The following SPIDR variants were observed in gnomAD, a reference collection of about 807,000 sequenced individuals.
The protein encoded by SPIDR is scaffold protein involved in DNA repair.
A neutral mutation model predicts 104.6 loss-of-function variants in SPIDR; 93 were observed. The ratio of observed to expected loss-of-function variants is 0.89; its 90% CI spans 0.75 to 1.06. The LOEUF (loss-of-function observed/expected upper bound fraction) is 1.06. Ranked by LOEUF, SPIDR falls within the 50% of genes least tolerant of loss-of-function variation. The probability of loss-of-function intolerance (pLI) is 0.00; values close to 1 mark genes in which losing one functional copy is unlikely to be tolerated. For missense variants in SPIDR, 1,154 were observed against 1,111.2 expected (o/e 1.04, Z -0.55); for synonymous variants, 431 against 416.9 (o/e 1.03, Z -0.41).
intron 8 of SPIDR, among the ~76,000 whole-genome samples, chr8:47,469,629 C>A (rs969688746): frequency 2.0e-5 from 3 of 151,808 alleles, no homozygotes; most frequent in African/African-American, 7.3e-5. Context: ...AACAGGAAAC[C>A]AAATACCACA....
At chr8:47,353,144 A>G (rs1407962097) in intron 5 of SPIDR, among the ~76,000 whole-genome samples, 1 of 152,120 alleles carries the variant, frequency 6.6e-6, no homozygotes, top group Non-Finnish European at 1.5e-5. Flanking sequence ...CAAAAAGTTA[A>G]GTTCTAAATA....
chr8:47,403,095 A>G (rs1334752092), intron 6 of SPIDR, among the ~76,000 whole-genome samples: 1 of 152,224 alleles, frequency 6.6e-6, no homozygotes, highest in African/African-American at 2.4e-5. Flanking sequence ...AGAACAAAAG[A>G]CAAAAACCAC....
intron 10 of SPIDR, among the ~76,000 whole-genome samples, chr8:47,647,997 A>C (rs566058306): frequency 5.9e-5 from 9 of 152,268 alleles, no homozygotes; most frequent in Non-Finnish European, 4.4e-5. Context: ...GATCGTGAGG[A>C]GGTCTAGAAA....
In SPIDR at chr8:47,367,049, C is replaced by A. The variant is rs1371512877; in HGVS notation, c.526-29327C>A. On this transcript the variant is annotated intron_variant, in intron 5 of 19. Transcript: ENST00000297423. ...TCCTGTGATTATGTTTAATATATGG[C>A]ACAGTTGACTTCGAGAAGGGAATTT... Among the ~76,000 whole-genome samples the A allele has an allele frequency of 2.0e-5, 3 of 152,146 alleles. No individual in the cohort carries two copies. The East Asian group carries it at 5.8e-4, about 29-fold the overall frequency.
intron 7 of SPIDR, among the ~76,000 whole-genome samples, chr8:47,422,059 GC>G (rs2065583862): frequency 6.6e-6 from 1 of 152,190 alleles, no homozygotes; most frequent in African/African-American, 2.4e-5. Flanking sequence ...GGAGGTCAGG[GC>G]CCCACTTGAG....
chr8:47,593,043 C>T (rs1163131184), intron 8 of SPIDR, among the ~76,000 whole-genome samples: 12 of 152,026 alleles, frequency 7.9e-5, no homozygotes, highest in African/African-American at 2.9e-4. Context: ...TGCCCCACCA[C>T]GCCCAGCTAA....
intron 5 of SPIDR, chr8:47,357,750 A>T: frequency 6.8e-6 from 3 of 438,222 alleles, no homozygotes; most frequent in Non-Finnish European, 9.1e-6. Context: ...TAAGAAAGAA[A>T]TTTGAAGTGT....
At chr8:47,536,652 A>G (rs1195209800) in intron 8 of SPIDR, among the ~76,000 whole-genome samples, 1 of 152,236 alleles carries the variant, frequency 6.6e-6, no homozygotes, top group East Asian at 1.9e-4. Context: ...ATGTGAAACT[A>G]TAAAACTAGA....
intron 8 of SPIDR, among the ~76,000 whole-genome samples, chr8:47,566,853 A>T (rs2057919092): frequency 6.6e-6 from 1 of 152,180 alleles, no homozygotes; most frequent in African/African-American, 2.4e-5. Flanking sequence ...TTTGGACTTT[A>T]TTCTGAGCCA....
In SPIDR at chr8:47,673,806, G is replaced by A; in HGVS notation, c.1550G>A (p.Cys517Tyr). The stretch of plus-strand genomic sequence containing the variant: ...ATGTGAATGGTTTTTTACAGAGCCT[G>A]CCTTCTGGTACAAGATGCCTGTGGA... ...GHTDPAGTRA[C>Y]LLVQDACGMF... The change falls in exon 11 of 20, where the codon TGC becomes TAC. Residue 517 changes from cysteine to tyrosine, a missense_variant. Coordinates refer to ENST00000297423, the MANE Select transcript of SPIDR (RefSeq NM_001080394.4). 6.2e-7 allele frequency: 1 copy of A among 1,614,138 alleles called. No individual in the cohort carries two copies. Among genetic ancestry groups the A allele is most frequent in the Non-Finnish European group, 8.5e-7 (1 of 1,180,016 alleles).
intron 8 of SPIDR, among the ~76,000 whole-genome samples, chr8:47,595,519 C>T (rs1198043755): frequency 6.6e-6 from 1 of 152,160 alleles, no homozygotes; most frequent in East Asian, 1.9e-4. Flanking sequence ...GTTTATCCTC[C>T]GTATTTCCCC....
At chr8:47,388,691 CTGAGATG>C (rs1162848061) in intron 5 of SPIDR, among the ~76,000 whole-genome samples, 1 of 152,182 alleles carries the variant, frequency 6.6e-6, no homozygotes, top group Admixed American at 6.5e-5. Flanking sequence ...CACATGGCCA[CTGAGATG>C]TGAGATGTCC....
chr8:47,411,578 C>T (rs553039092), intron 7 of SPIDR, among the ~76,000 whole-genome samples: 23 of 152,202 alleles, frequency 1.5e-4, no homozygotes, highest in African/African-American at 2.9e-4. Context: ...GAGTAGATTG[C>T]GAAAGTTTTC....
chr8:47,644,013 G>A (rs1030662677), intron 10 of SPIDR, among the ~76,000 whole-genome samples: 1 of 152,178 alleles, frequency 6.6e-6, no homozygotes, highest in African/African-American at 2.4e-5. Context: ...CGAGTGTGAT[G>A]TTTACATTTC....
chr8:47,616,730 C>CA (rs1200839682), intron 10 of SPIDR, among the ~76,000 whole-genome samples: 1 of 152,158 alleles, frequency 6.6e-6, no homozygotes, highest in African/African-American at 2.4e-5. Context: ...AGAGTGTTCC[C>CA]ACGTACTCCA....
intron 8 of SPIDR, among the ~76,000 whole-genome samples, chr8:47,525,325 T>C (rs994222264): frequency 6.6e-6 from 1 of 152,242 alleles, no homozygotes; most frequent in Non-Finnish European, 1.5e-5. Flanking sequence ...TGATAGTCCA[T>C]TTACCAGAAT....
rs565736095 is a variant in SPIDR, at chr8:47,556,095, C to G, written c.1098-39716C>G. On this transcript the variant is annotated intron_variant, in intron 8 of 19. Transcript: ENST00000297423. The stretch of plus-strand genomic sequence containing the variant: ...GCCATACCAACTCCTGTTACATTGT[C>G]TATTGTCAGCCAGGGACGATTTTCC... Among the ~76,000 whole-genome samples, 5 of 152,302 alleles carry G rather than the reference C, an allele frequency of 3.3e-5. No homozygotes were observed. In the East Asian group the frequency reaches 9.6e-4, roughly 29 times the overall value.
intron 14 of SPIDR, among the ~76,000 whole-genome samples, chr8:47,709,286 A>G (rs1769265279): frequency 6.6e-6 from 1 of 152,198 alleles, no homozygotes; most frequent in African/African-American, 2.4e-5. Context: ...AATTACAGGC[A>G]TGCACCACCA....
intron 8 of SPIDR, among the ~76,000 whole-genome samples, chr8:47,475,663 C>G (rs2076201523): frequency 6.6e-6 from 1 of 152,052 alleles, no homozygotes; most frequent in African/African-American, 2.4e-5. Flanking sequence ...TGTTTCTTGC[C>G]TTTTATGTCA....
Sources: gnomAD v4.1 joint callset for allele counts (sites outside exome capture counted in the v4.1 genomes callset) on GRCh38, gnomAD v4.1.1 for gene constraint, MANE v1.5 for transcripts, NCBI Gene and HGNC (gene_info 2026-07-23, HGNC 2026-07-21) for gene names.